Variants in PRSS56 observed in about 807,000 individuals in gnomAD.
The protein encoded by PRSS56 is serine protease 56, also known as protease, serine 56.
A neutral mutation model predicts 66.8 loss-of-function variants in PRSS56; 55 were observed. The observed-to-expected ratio is 0.82, with a 90% CI of 0.66 to 1.03. PRSS56 has a LOEUF of 1.03. Among genes scored for constraint, PRSS56 ranks in the 50% least tolerant of loss-of-function variants. PRSS56 has a pLI of 0.00. For missense variants in PRSS56, 869 were observed against 837.2 expected (o/e 1.04, Z -0.47); for synonymous variants, 409 against 387.9 (o/e 1.05, Z -0.64).
chr2:232,523,905 C>T lies in PRSS56; in HGVS notation c.1146C>T (p.Arg382=). 1.3e-6 allele frequency: 2 copies of T among 1,519,084 alleles called. No individual in the cohort carries two copies. Among genetic ancestry groups the T allele is most frequent in the Non-Finnish European group, 1.8e-6 (2 of 1,138,540 alleles). 94.1% of individuals were successfully genotyped at this position (1,519,084 alleles called of 1,614,324 possible). Residue 382 remains arginine (R), a synonymous_variant, in exon 9 of 13, where the codon CGC becomes CGT. Transcript: ENST00000617714. ...CGGGGTCCCAGGGCGCCTGTGCGCG[C>T]CTGGCGCACCAGCAGTGCCTGCAGC... ...LCPGSQGACA[R]LAHQQCLQRR... is the part of the protein sequence containing the mutation.
chr2:232,523,997 G>A, intron 9 of PRSS56, 42 bp from the exon 10 acceptor site: 4 of 1,524,622 alleles, frequency 2.6e-6, no homozygotes, highest in East Asian at 2.5e-5. Context: ...AGGGGGCCTG[G>A]CCAGCCTCTG....
Position 232,523,201 on chromosome 2 carries a change from A to G in PRSS56, c.848A>G (p.Gln283Arg). 4 of 1,459,944 alleles carry G rather than the reference A, an allele frequency of 2.7e-6. 1 individual carries two copies. The South Asian group carries it at 5.5e-5, about 20-fold the overall frequency. 90.4% of individuals were successfully genotyped at this position (1,459,944 alleles called of 1,614,324 possible). ...CTGGCGGGGGGCGTTGACTCGTGCCAGGTATGAACCCAGTCTGATGAGAAA... is the reference window on the plus strand; with the variant it reads ...CTGGCGGGGGGCGTTGACTCGTGCCGGGTATGAACCCAGTCTGATGAGAAA... ...GYLAGGVDSC[Q>R]GDSGGPLTCS... The change falls in exon 7 of 13, where the codon CAG (glutamine) becomes CGG (arginine). Residue 283 changes from glutamine to arginine, a missense_variant and splice_region_variant. Physicochemically the swap from Gln to Arg is conservative, Grantham distance 43. This residue lies in a region of PRSS56 where 551 missense variants were observed against 506.9 expected (regional missense o/e 1.09). Transcript: ENST00000617714.
Position 232,523,752 on chromosome 2 carries a change from C to T in PRSS56, c.1013-20C>T. The T allele has an allele frequency of 1.3e-6, 2 of 1,533,980 alleles. No homozygotes were observed. The highest frequency in any genetic ancestry group is 1.7e-6 in the Non-Finnish European group (2 of 1,146,696). On this transcript the variant is annotated intron_variant, in intron 8 of 12. Coordinates refer to ENST00000617714, the MANE Select transcript of PRSS56 (RefSeq NM_001195129.2). The stretch of plus-strand genomic sequence containing the variant: ...GGCCCCAAACAGAGGGTGAGCTGAC[C>T]CCTGTCCCGCCCGCAGCAGCCTCCT...
In PRSS56 at chr2:232,525,285, G is replaced by A. The variant is rs1314911857; in HGVS notation, c.1591G>A (p.Gly531Ser). 4.6e-6 allele frequency: 7 copies of A among 1,522,300 alleles called. No homozygotes were observed. Among genetic ancestry groups the A allele is most frequent in the East Asian group, 2.5e-5 (1 of 40,610 alleles). The allele number at this position is 1,522,300 out of a possible 1,614,324, so 94.3% of individuals were successfully genotyped here. ...AGCCTGGGTGCGGGCAGGCTTGGGG[G>A]GCCGGCATGTGGCCTTCAGCGGCCT... ...FRAWVRAGLG[G>S]RHVAFSGLVG... Residue 531 changes from glycine to serine, a missense_variant, in exon 13 of 13, where the codon GGC becomes AGC. Physicochemically the swap from Gly to Ser is moderately conservative, Grantham distance 56. Coordinates refer to ENST00000617714, the MANE Select transcript of PRSS56 (RefSeq NM_001195129.2).
In PRSS56 at chr2:232,520,573, GTCTC is replaced by G. The variant is rs1691255464; in HGVS notation, c.-23_-20del. The G allele has an allele frequency of 1.2e-5, 19 of 1,520,066 alleles. No individual in the cohort carries two copies. The highest frequency in any genetic ancestry group is 1.7e-5 in the Non-Finnish European group (19 of 1,132,448). The allele number at this position is 1,520,066 out of a possible 1,614,324, so 94.2% of individuals were successfully genotyped here. A position where few individuals can be genotyped will look rare whatever the true frequency, so the allele number is the denominator to read the frequency against. ...ACTCCGAGGAGGAGAGAGGACAGGG[GTCTC>G]TCACCCCAGCTCCTGGTCACCATGC... On this transcript the variant is annotated 5_prime_UTR_variant, in exon 1 of 13. Transcript: ENST00000617714.
Position 232,521,999 on chromosome 2 carries a change from T to C in PRSS56, c.285T>C (p.Thr95=). 1 of 1,455,968 alleles carries C rather than the reference T, an allele frequency of 6.9e-7. No homozygotes were observed. The highest frequency in any genetic ancestry group is 9.0e-7 in the Non-Finnish European group (1 of 1,109,116). 90.2% of individuals were successfully genotyped at this position (1,455,968 alleles called of 1,614,324 possible). The change falls in exon 4 of 13, where the codon ACT becomes ACC. Residue 95 remains threonine (T), a synonymous_variant. Transcript: ENST00000617714. Reference sequence around the variant, plus strand: ...CGTGCGGCGAGAGGCGTCCGAGCACTGCCAATGTGACGCGGGCCCACGGCC... The same window carrying C: ...CGTGCGGCGAGAGGCGTCCGAGCACCGCCAATGTGACGCGGGCCCACGGCC... ...PGPCGERRPS[T]ANVTRAHGRI... is the part of the protein sequence containing the mutation.
rs114690224 is a variant in PRSS56 at position 232,522,655 on chromosome 2, A to G, written c.546+41A>G. 1,221 of 1,531,102 alleles carry G rather than the reference A, an allele frequency of 8.0e-4. 8 individuals carry two copies. In the African/African-American group the frequency reaches 0.015, roughly 18 times the overall value. 94.8% of individuals were successfully genotyped at this position (1,531,102 alleles called of 1,614,324 possible). ...CCAGGCCCCCAAGGCTGGGCACCGC[A>G]CCCCCACCCGTGCTTCCTTGACCCT... On this transcript the variant is annotated intron_variant, in intron 5 of 12. Transcript: ENST00000617714.
chr2:232,522,448 G>A, intron 4 of PRSS56, 67 bp from the exon 5 acceptor site: 4 of 1,340,184 alleles, frequency 3.0e-6, no homozygotes, highest in East Asian at 5.5e-5. Flanking sequence ...GGAGGGGCAG[G>A]GTCTCCGAGG....
Position 232,522,703 on chromosome 2 carries a change from T to G in PRSS56, c.548T>G (p.Phe183Cys). The change falls in exon 6 of 13, where the codon TTT becomes TGT. Residue 183 changes from phenylalanine to cysteine, a missense_variant and splice_region_variant. This residue lies in a region of PRSS56 where 315 missense variants were observed against 313.7 expected (regional missense o/e 1.00). Transcript: ENST00000617714. ...CCTGCGCCGCCTCCCCCTCCTCAGTTTGACCCGCGGACCTTCCACAACGAC... is the reference window on the plus strand; with the variant it reads ...CCTGCGCCGCCTCCCCCTCCTCAGTGTGACCCGCGGACCTTCCACAACGAC... Reference protein sequence around the residue: ...PVNRILPHPKFDPRTFHNDLA... With the variant: ...PVNRILPHPKCDPRTFHNDLA... 6.5e-7 allele frequency: 1 copy of G among 1,534,106 alleles called. No homozygotes were observed. The highest frequency in any genetic ancestry group is 8.7e-7 in the Non-Finnish European group (1 of 1,145,844).
chr2:232,522,900 C>G lies in PRSS56; in HGVS notation c.706+39C>G, dbSNP rs537305513. The G allele has an allele frequency of 3.7e-5, 54 of 1,447,530 alleles. No homozygotes were observed. The South Asian group carries it at 6.0e-4, about 16-fold the overall frequency. The allele number at this position is 1,447,530 out of a possible 1,614,324, so 89.7% of individuals were successfully genotyped here. On this transcript the variant is annotated intron_variant, in intron 6 of 12. Coordinates refer to ENST00000617714, the MANE Select transcript of PRSS56 (RefSeq NM_001195129.2). ...GTGAGCCGGCGCGTGGTGGGAAGAACTGGGGGTCCGAGGTAATAGAGTGTA... is the reference window on the plus strand; with the variant it reads ...GTGAGCCGGCGCGTGGTGGGAAGAAGTGGGGGTCCGAGGTAATAGAGTGTA...
At chr2:232,523,992 G>T (rs1421499698) in intron 9 of PRSS56, 47 bp downstream of exon 9, 2 of 1,524,118 alleles carry the variant, frequency 1.3e-6, no homozygotes, top group Non-Finnish European at 1.8e-6. Context: ...AGGGGAGGGG[G>T]CCTGGCCAGC....
Position 232,521,406 on chromosome 2 carries a change from G to A in PRSS56, c.183G>A (p.Gln61=), listed in dbSNP as rs1691273415. ...TAAACCGAGTGGCGATGGAGATCCA[G>A]CACAGATCGCACGAGTGCCGAGGTG... ...WAINRVAMEI[Q]HRSHECRGSG... Residue 61 remains glutamine (Q), a synonymous_variant, in exon 2 of 13, where the codon CAG becomes CAA. Coordinates refer to ENST00000617714, the MANE Select transcript of PRSS56 (RefSeq NM_001195129.2). The A allele has an allele frequency of 9.8e-6, 15 of 1,536,134 alleles. No homozygotes were observed. The highest frequency in any genetic ancestry group is 1.3e-5 in the Non-Finnish European group (15 of 1,146,872).
intron 4 of PRSS56, 150 bp from the exon 5 acceptor site, chr2:232,522,365 G>A: frequency 2.5e-6 from 2 of 813,274 alleles, no homozygotes; most frequent in South Asian, 5.0e-5. Flanking sequence ...GGGCGAGTTC[G>A]CCCCCTCTGG....
intron 11 of PRSS56, 53 bp downstream of exon 11, chr2:232,524,422 G>A (rs919411439): frequency 2.5e-5 from 37 of 1,501,650 alleles, no homozygotes; most frequent in Non-Finnish European, 3.2e-5. Context: ...GGGCCTGGAC[G>A]AGGTCGGAAG....
Position 232,525,424 on chromosome 2 carries a change from T to TG in PRSS56, c.1732dup (p.Asp578GlyfsTer45). The TG allele has an allele frequency of 2.6e-6, 4 of 1,533,800 alleles. No individual in the cohort carries two copies. Among genetic ancestry groups the TG allele is most frequent in the Non-Finnish European group, 3.5e-6 (4 of 1,146,120 alleles). On this transcript the variant is annotated frameshift_variant, in exon 13 of 13. Transcript: ENST00000617714. LOFTEE classifies it low-confidence loss of function (END_TRUNC). Reference sequence around the variant, plus strand: ...GAAGGGGAGCCCGAGGGACCCTGGATGGATGTAGGGCAGGGGCCCGGGCTG... The same window carrying TG: ...GAAGGGGAGCCCGAGGGACCCTGGATGGGATGTAGGGCAGGGGCCCGGGCTG...
chr2:232,523,298 T>G, intron 7 of PRSS56, 96 bp downstream of exon 7: 1 of 1,422,740 alleles, frequency 7.0e-7, no homozygotes, highest in Non-Finnish European at 9.2e-7. Flanking sequence ...TCGACTTCTC[T>G]GAGCCTCTCT....
At position 232,522,773 on chromosome 2, in the gene PRSS56, G is replaced by A. The variant is rs1691310904; in HGVS notation, c.618G>A (p.Ser206=). The change falls in exon 6 of 13, where the codon TCG becomes TCA. Residue 206 remains serine, a synonymous_variant. Coordinates refer to ENST00000617714, the MANE Select transcript of PRSS56 (RefSeq NM_001195129.2). Reference sequence around the variant, plus strand: ...GGACGCCGGTGAGCCCGGGGGGATCGGCGCGCCCCGTGTGCCTGCCCCAGG... The same window carrying A: ...GGACGCCGGTGAGCCCGGGGGGATCAGCGCGCCCCGTGTGCCTGCCCCAGG... ...QLWTPVSPGG[S]ARPVCLPQEP... is the part of the protein sequence containing the mutation. 2.6e-6 allele frequency: 4 copies of A among 1,524,170 alleles called. No individual in the cohort carries two copies. Among genetic ancestry groups the A allele is most frequent in the Non-Finnish European group, 3.5e-6 (4 of 1,138,616 alleles). The allele number at this position is 1,524,170 out of a possible 1,614,324, so 94.4% of individuals were successfully genotyped here. A position where few individuals can be genotyped will look rare whatever the true frequency, so the allele number is the denominator to read the frequency against.
intron 11 of PRSS56, 107 bp from the exon 12 acceptor site, chr2:232,524,631 G>A: frequency 2.5e-6 from 2 of 789,922 alleles, no homozygotes; most frequent in Non-Finnish European, 4.0e-6. Context: ...AGCATAAGAG[G>A]ATAAGTGTGT....
chr2:232,523,972 C>CG (rs1389545044), intron 9 of PRSS56, 27 bp downstream of exon 9: 4 of 1,518,586 alleles, frequency 2.6e-6, no homozygotes, highest in Middle Eastern at 1.8e-4. Context: ...CGGACCCGGA[C>CG]GGGGGGCAGA....
Sources: gnomAD v4.1 joint callset for allele counts on GRCh38, gnomAD v4.1.1 for gene constraint, gnomAD v4.1.1 regional missense constraint, MANE v1.5 for transcripts, NCBI Gene and HGNC (gene_info 2026-07-23, HGNC 2026-07-21) for gene names.